Variants in ERCC2 observed in about 807,000 individuals in gnomAD.
ERCC2 encodes ERCC excision repair 2, TFIIH core complex helicase subunit.
Under a neutral mutation model 99.4 loss-of-function variants are expected in ERCC2, and 90 were observed. The ratio of observed to expected loss-of-function variants is 0.91; its 90% CI spans 0.76 to 1.08. The LOEUF is 1.08. Among genes scored for constraint, ERCC2 ranks in the 50% least tolerant of loss-of-function variants. The pLI is 0.00. For synonymous variants in ERCC2, 497 were observed against 432.4 expected (o/e 1.15, Z -1.85); for missense variants, 993 against 1,038.1 (o/e 0.96, Z 0.60).
intron 17 of ERCC2, among the ~76,000 whole-genome samples, chr19:45,354,007 G>A (rs558619706): frequency 7.9e-4 from 120 of 152,282 alleles, no homozygotes; most frequent in African/African-American, 2.2e-3. Flanking sequence ...CTTTCCCGCC[G>A]CGTGGAAGCC....
chr19:45,351,585 A>T lies in ERCC2; in HGVS notation c.*44T>A. On this transcript the variant is annotated 3_prime_UTR_variant, in exon 23 of 23. Transcript: ENST00000391945. ...CCGCTGGGAACCAGGGCCAGGCAAG[A>T]CTCAGGAGTCACCAGGAACCGTTTA... 1 of 1,611,932 alleles carries T rather than the reference A, an allele frequency of 6.2e-7. No homozygotes were observed. Among genetic ancestry groups the T allele is most frequent in the Non-Finnish European group, 8.5e-7 (1 of 1,179,524 alleles).
intron 11 of ERCC2, 79 bp from the exon 12 acceptor site, chr19:45,361,721 C>T (rs760450692): frequency 4.4e-5 from 46 of 1,057,026 alleles, no homozygotes; most frequent in Non-Finnish European, 6.0e-5. Flanking sequence ...GCCATCACGA[C>T]GGTCACGTGC....
chr19:45,349,973 G>C lies in ERCC2; in HGVS notation c.*1656C>G, dbSNP rs776325242. 2 of 415,358 alleles carry C rather than the reference G, an allele frequency of 4.8e-6. No individual in the cohort carries two copies. Among genetic ancestry groups the C allele is most frequent in the African/African-American group, 2.0e-5 (1 of 50,192 alleles). The allele number at this position is 415,358 out of a possible 1,614,324, so 25.7% of individuals were successfully genotyped here. A position where few individuals can be genotyped will look rare whatever the true frequency, so the allele number is the denominator to read the frequency against. ...TTGCGTGTGGGAAGACTGAGGCACCGAGGCCATGCCACCAGCCCAAAGTAC... is the reference window on the plus strand; with the variant it reads ...TTGCGTGTGGGAAGACTGAGGCACCCAGGCCATGCCACCAGCCCAAAGTAC... On this transcript the variant is annotated 3_prime_UTR_variant, in exon 23 of 23. Transcript: ENST00000391945.
In ERCC2 at chr19:45,368,759, G is replaced by A; in HGVS notation, c.247-16C>T. The A allele has an allele frequency of 6.3e-7, 1 of 1,598,684 alleles. No individual in the cohort carries two copies. Among genetic ancestry groups the A allele is most frequent in the South Asian group, 1.1e-5 (1 of 90,282 alleles). The stretch of plus-strand genomic sequence containing the variant: ...CTTCAATCACCTACTCCAAAGTTGG[G>A]GGGCAGGGGGAGCTTGTGCTCATTG... On this transcript the variant is annotated splice_polypyrimidine_tract_variant and intron_variant, in intron 4 of 22. Coordinates refer to ENST00000391945, the MANE Select transcript of ERCC2 (RefSeq NM_000400.4).
At chr19:45,360,366 ACC>A (rs1328591772) in intron 12 of ERCC2, among the ~76,000 whole-genome samples, 11 of 132,540 alleles carry the variant, frequency 8.3e-5, no homozygotes, top group Non-Finnish European at 1.6e-4. Flanking sequence ...ACAGGCGTAA[ACC>A]ACCACGCCCG....
intron 7 of ERCC2, 51 bp from the exon 8 acceptor site, chr19:45,364,598 C>A (rs749560346): frequency 7.5e-6 from 12 of 1,606,026 alleles, no homozygotes; most frequent in Non-Finnish European, 8.5e-6. Flanking sequence ...CCAACCCCTA[C>A]CCCTACCCCT....
At chr19:45,369,990 G>T in intron 2 of ERCC2, 143 bp downstream of exon 2, 1 of 732,194 alleles carries the variant, frequency 1.4e-6, no homozygotes. Flanking sequence ...CACCATTATT[G>T]TTTTAGATAA....
chr19:45,353,118 ACT>A lies in ERCC2; in HGVS notation c.1794_1795del (p.Val599GlyfsTer49). ...TCCCTCGGACACTTTGCCCCGGGCC[ACT>A]GACAGCAGGATGGCCCCGCGGCCAT... On this transcript the variant is annotated frameshift_variant, in exon 19 of 23. Transcript: ENST00000391945. LOFTEE classifies it high-confidence loss of function. 6.2e-7 allele frequency: 1 copy of A among 1,613,562 alleles called. No homozygotes were observed. Among genetic ancestry groups the A allele is most frequent in the Non-Finnish European group, 8.5e-7 (1 of 1,179,844 alleles).
At chr19:45,355,578 A>G in intron 16 of ERCC2, 87 bp downstream of exon 16, 2 of 1,202,646 alleles carry the variant, frequency 1.7e-6, no homozygotes, top group South Asian at 1.2e-5. Flanking sequence ...GGCCAGGGAT[A>G]TTTGTTACAG....
chr19:45,369,878 G>C (rs997227414), intron 2 of ERCC2, among the ~76,000 whole-genome samples: 4 of 152,142 alleles, frequency 2.6e-5, no homozygotes, highest in African/African-American at 9.7e-5. Context: ...GTTTCACCGT[G>C]TTGGCCAGGC....
At chr19:45,357,942 A>C (rs1290032820) in intron 12 of ERCC2, 30 of 583,834 alleles carry the variant, frequency 5.1e-5, no homozygotes, top group Non-Finnish European at 8.4e-5. Context: ...CCAAGTAGAG[A>C]GCCCACAGCC....
intron 12 of ERCC2, chr19:45,358,025 CA>C (rs1266987911): frequency 2.1e-6 from 1 of 473,616 alleles, no homozygotes; most frequent in Non-Finnish European, 3.9e-6. Flanking sequence ...GCCAGAGCCT[CA>C]AGCTTTCTCC....
At position 45,350,460 on chromosome 19, in the gene ERCC2, C is replaced by T. The variant is rs372737825; in HGVS notation, c.*1169G>A. The T allele has an allele frequency of 6.2e-6, 10 of 1,612,850 alleles. No individual in the cohort carries two copies. The highest frequency in any genetic ancestry group is 2.2e-5 in the East Asian group (1 of 44,886). On this transcript the variant is annotated 3_prime_UTR_variant, in exon 23 of 23. Transcript: ENST00000391945. Reference sequence around the variant, plus strand: ...AGCCCCTAGCCCCTGTCTGTCTTCCCTCCTGGTGGCTTCTCTATGTCCCCA... The same window carrying T: ...AGCCCCTAGCCCCTGTCTGTCTTCCTTCCTGGTGGCTTCTCTATGTCCCCA...
At position 45,355,671 on chromosome 19, in the gene ERCC2, C is replaced by G; in HGVS notation, c.1537G>C (p.Asp513His). The change falls in exon 16 of 23, where the codon GAT becomes CAT. Residue 513 changes from aspartate to histidine, a missense_variant. Physicochemically the swap from Asp to His is moderately conservative, Grantham distance 81. Coordinates refer to ENST00000391945, the MANE Select transcript of ERCC2 (RefSeq NM_000400.4). The part of the protein sequence containing the change: ...AISSKFETRE[D>H]IAVIRNYGNL... ...AGCCCCACTGGCAGCATACCAATATCCTCCCGGGTCTCAAATTTGGAGCTG... is the reference window on the plus strand; with the variant it reads ...AGCCCCACTGGCAGCATACCAATATGCTCCCGGGTCTCAAATTTGGAGCTG... The G allele has an allele frequency of 1.2e-6, 2 of 1,614,100 alleles. No individual in the cohort carries two copies. The highest frequency in any genetic ancestry group is 1.7e-6 in the Non-Finnish European group (2 of 1,179,900).
At chr19:45,352,680 G>A (rs757859486) in intron 20 of ERCC2, 31 bp from the exon 21 acceptor site, 6 of 1,613,884 alleles carry the variant, frequency 3.7e-6, no homozygotes, top group South Asian at 1.1e-5. Flanking sequence ...AAGCTGGGGA[G>A]GTGGGGGAGC....
rs3916855 is a variant in ERCC2 at position 45,356,944 on chromosome 19, T to G, written c.1479+326A>C. Among the ~76,000 whole-genome samples the G allele has an allele frequency of 0.052, 7,949 of 152,214 alleles. 280 individuals carry two copies. The highest frequency in any genetic ancestry group is 0.095 in the Middle Eastern group (28 of 294). On this transcript the variant is annotated intron_variant, in intron 15 of 22. Coordinates refer to ENST00000391945, the MANE Select transcript of ERCC2 (RefSeq NM_000400.4). The stretch of plus-strand genomic sequence containing the variant: ...CCTGGGTCACAGCCAGACCACGTAC[T>G]CGGCAAGATGCTAAGATGCTGACTA...
chr19:45,357,056 G>C (rs1479366162), intron 15 of ERCC2, among the ~76,000 whole-genome samples: 2 of 152,206 alleles, frequency 1.3e-5, no homozygotes, highest in Non-Finnish European at 2.9e-5. Context: ...TGGGAGATCA[G>C]GGAGGATACA....
At chr19:45,365,566 G>A (rs1453684889) in intron 5 of ERCC2, among the ~76,000 whole-genome samples, 1 of 151,282 alleles carries the variant, frequency 6.6e-6, no homozygotes, top group East Asian at 1.9e-4. Context: ...AGCAGAGATC[G>A]TGCCATAGCA....
chr19:45,363,678 A>C, intron 11 of ERCC2, 65 bp downstream of exon 11: 2 of 1,478,598 alleles, frequency 1.4e-6, no homozygotes, highest in South Asian at 2.5e-5. Context: ...ACAGGCGTGG[A>C]GGACACGGCT....
Sources: gnomAD v4.1 joint callset for allele counts (sites outside exome capture counted in the v4.1 genomes callset) on GRCh38, gnomAD v4.1.1 for gene constraint, MANE v1.5 for transcripts, NCBI Gene and HGNC (gene_info 2026-07-23, HGNC 2026-07-21) for gene names.